Variants in SDK2 observed in about 807,000 individuals in gnomAD.
The protein encoded by SDK2 is protein sidekick-2.
SDK2 carries 105 observed loss-of-function variants against 253.9 expected under a neutral mutation model. The ratio of observed to expected loss-of-function variants is 0.41; its 90% CI spans 0.35 to 0.49. SDK2 has a LOEUF of 0.49. Ranked by LOEUF, SDK2 falls within the 20% of genes least tolerant of loss-of-function variation. The pLI is 0.06. For missense variants in SDK2, 2,608 were observed against 3,003.0 expected (o/e 0.87, Z 3.07); for synonymous variants, 1,249 against 1,234.9 (o/e 1.01, Z -0.24).
chr17:73,453,257 TGA>T (rs2063500983), intron 4 of SDK2, among the ~76,000 whole-genome samples: 3 of 151,676 alleles, frequency 2.0e-5, no homozygotes, highest in Non-Finnish European at 1.5e-5. Context: ...CCCAGACAAG[TGA>T]GAGAGCCCAG....
At position 73,447,870 on chromosome 17, in the gene SDK2, C is replaced by T. The variant is rs7209444; in HGVS notation, c.480-122G>A. ...TCTCCCAGTCCCCAGCCTCCCAGGGCCCCTCCTGCCACCCCCTCCCCAACC... is the reference window on the plus strand; with the variant it reads ...TCTCCCAGTCCCCAGCCTCCCAGGGTCCCTCCTGCCACCCCCTCCCCAACC... On this transcript the variant is annotated intron_variant, in intron 4 of 44. Coordinates refer to ENST00000392650, the MANE Select transcript of SDK2 (RefSeq NM_001144952.2). This position sits in a 1 kb window ranked among gnomAD's most constrained non-coding sequence, Gnocchi z 4.0. 0.012 allele frequency: 13,950 copies of T among 1,144,526 alleles called. 1,233 individuals carry two copies. The African/African-American group carries it at 0.19, about 16-fold the overall frequency. 70.9% of individuals were successfully genotyped at this position (1,144,526 alleles called of 1,614,324 possible).
At chr17:73,483,186 G>C (rs1253773679) in intron 2 of SDK2, among the ~76,000 whole-genome samples, 1 of 151,922 alleles carries the variant, frequency 6.6e-6, no homozygotes, top group Non-Finnish European at 1.5e-5. Flanking sequence ...CCTCTGGGGA[G>C]CTGCCCAGGC....
In SDK2 at chr17:73,353,208, G is replaced by A. The variant is rs1052615930; in HGVS notation, c.5594-571C>T. On this transcript the variant is annotated intron_variant, in intron 40 of 44. Transcript: ENST00000392650. ...TGTCACAACCAATGACAGAACCACC[G>A]TCCAGAGAAACAGGCTCAAGGAATT... is the stretch of plus-strand genomic sequence containing the variant. 4.6e-5 allele frequency among the ~76,000 whole-genome samples: 7 copies of A among 152,094 alleles called. 1 individual carries two copies. The highest frequency in any genetic ancestry group is 1.2e-4 in the African/African-American group (5 of 41,404).
chr17:73,469,994 A>T (rs73996347), intron 3 of SDK2, among the ~76,000 whole-genome samples: 1 of 77,678 alleles, frequency 1.3e-5, no homozygotes, highest in African/African-American at 4.6e-5. Flanking sequence ...GCGCGCGCGC[A>T]CACACACACA....
intron 5 of SDK2, among the ~76,000 whole-genome samples, chr17:73,445,570 T>C (rs2063447361): frequency 6.6e-6 from 1 of 152,008 alleles, no homozygotes; most frequent in African/African-American, 2.4e-5. Context: ...CTGGACTTCC[T>C]GGAGTCCAGG....
intron 14 of SDK2, 70 bp downstream of exon 14, chr17:73,423,316 C>G: frequency 1.2e-5 from 16 of 1,290,058 alleles, no homozygotes; most frequent in Non-Finnish European, 1.6e-5. Context: ...GAGCTGGGAC[C>G]CCAGCCCAGG....
At chr17:73,581,361 T>C (rs1481994613) in intron 1 of SDK2, among the ~76,000 whole-genome samples, 2 of 152,222 alleles carry the variant, frequency 1.3e-5, no homozygotes, top group African/African-American at 4.8e-5. Flanking sequence ...AAACTGGTCC[T>C]AAGGCTAGTC....
rs1377239231 is a variant in SDK2, at chr17:73,365,306, T to A, written c.5257A>T (p.Ile1753Phe). ...TACACCAGCCTGTAGCCCTCCAGGA[T>A]GCCATTGGGGAACTGCGGGGCTTCC... ...SWEAPQFPNG[I>F]LEGYRLVYEP... Residue 1753 changes from isoleucine to phenylalanine, a missense_variant, in exon 38 of 45, where the codon ATC (isoleucine) becomes TTC (phenylalanine). By Grantham distance (21) the Ile-to-Phe change is conservative. Around this residue, in one of 2 missense-constraint regions of SDK2, gnomAD observed 1,103 missense variants for 1,143.9 expected, o/e 0.96. Transcript: ENST00000392650. The A allele has an allele frequency of 2.5e-6, 4 of 1,613,158 alleles. No individual in the cohort carries two copies. Among genetic ancestry groups the A allele is most frequent in the Non-Finnish European group, 3.4e-6 (4 of 1,179,632 alleles).
At chr17:73,506,385 T>C (rs1050775376) in intron 2 of SDK2, among the ~76,000 whole-genome samples, 3 of 152,180 alleles carry the variant, frequency 2.0e-5, no homozygotes, top group Non-Finnish European at 1.5e-5. Context: ...GGGGGTGCCC[T>C]GTCCTGGGCT....
chr17:73,507,933 C>A (rs1316043116), intron 1 of SDK2, among the ~76,000 whole-genome samples: 1 of 152,238 alleles, frequency 6.6e-6, no homozygotes, highest in African/African-American at 2.4e-5. Flanking sequence ...TGGGTTCCCC[C>A]TCCAGGGCAG....
chr17:73,500,812 C>T (rs2063885026), intron 2 of SDK2, among the ~76,000 whole-genome samples: 1 of 149,488 alleles, frequency 6.7e-6, no homozygotes, highest in South Asian at 2.2e-4. Context: ...CATCCTCTTT[C>T]CATCCTCCCT....
At chr17:73,537,227 G>A (rs1001773779) in intron 1 of SDK2, among the ~76,000 whole-genome samples, 1 of 152,298 alleles carries the variant, frequency 6.6e-6, no homozygotes, top group East Asian at 1.9e-4. Context: ...AGAAATCAAA[G>A]TTGAAACTCA....
intron 1 of SDK2, among the ~76,000 whole-genome samples, chr17:73,542,936 G>A (rs1401946543): frequency 6.6e-6 from 1 of 152,192 alleles, no homozygotes; most frequent in Non-Finnish European, 1.5e-5. Context: ...CTAGGCCCTG[G>A]AGAGCGAGAC....
rs778794030 is a variant in SDK2, at chr17:73,361,938, C to T, written c.5306-93G>A. 2.4e-4 allele frequency: 315 copies of T among 1,325,422 alleles called. No homozygotes were observed. Among genetic ancestry groups the T allele is most frequent in the Non-Finnish European group, 3.1e-4 (302 of 982,822 alleles). The allele number at this position is 1,325,422 out of a possible 1,614,324, so 82.1% of individuals were successfully genotyped here. A position where few individuals can be genotyped will look rare whatever the true frequency, so the allele number is the denominator to read the frequency against. On this transcript the variant is annotated intron_variant, in intron 38 of 44. Coordinates refer to ENST00000392650, the MANE Select transcript of SDK2 (RefSeq NM_001144952.2). This position sits in a 1 kb window ranked among gnomAD's most constrained non-coding sequence, Gnocchi z 4.1. ...GGGGAAGCGGCCGTGGCCTGGGCCC[C>T]GGGACCCTGGGTAGGGGCCTCACTC...
At chr17:73,353,808 A>G (rs1184599397) in intron 40 of SDK2, among the ~76,000 whole-genome samples, 1 of 144,232 alleles carries the variant, frequency 6.9e-6, no homozygotes, top group Non-Finnish European at 1.5e-5. Context: ...GGTTCAAGCT[A>G]TTTTCCTACC....
chr17:73,462,438 GTA>G (rs963737062), intron 3 of SDK2, among the ~76,000 whole-genome samples: 51 of 10,324 alleles, frequency 4.9e-3, no homozygotes, highest in East Asian at 0.012. Flanking sequence ...TGGTGGGATG[GTA>G]TATATATATA....
intron 18 of SDK2, among the ~76,000 whole-genome samples, chr17:73,404,404 G>A (rs541434506): frequency 1.5e-4 from 23 of 152,272 alleles, no homozygotes; most frequent in African/African-American, 5.1e-4. Context: ...CTGGGCAGCC[G>A]TGGGATGGAA....
chr17:73,367,085 C>T (rs1406875704), intron 37 of SDK2, among the ~76,000 whole-genome samples: 1 of 152,088 alleles, frequency 6.6e-6, no homozygotes, highest in African/African-American at 2.4e-5. Flanking sequence ...CTCACTGCAA[C>T]CTCCACCTCC....
At chr17:73,365,553 G>A (rs143391652) in intron 37 of SDK2, among the ~76,000 whole-genome samples, 158 bp from the exon 38 acceptor site, 2 of 152,264 alleles carry the variant, frequency 1.3e-5, no homozygotes, top group African/African-American at 4.8e-5. Context: ...GTCACTGGAG[G>A]CCATCAGGCC....
Sources: allele counts gnomAD v4.1 joint callset (sites outside exome capture counted in the v4.1 genomes callset), GRCh38; gene constraint gnomAD v4.1.1; regional missense constraint gnomAD v4.1.1; non-coding constraint Gnocchi (gnomAD v3.1); transcripts MANE v1.5; gene names NCBI Gene and HGNC (gene_info 2026-07-23, HGNC 2026-07-21).